Variants in TBL1X observed in about 807,000 individuals in gnomAD.
TBL1X encodes transducin beta like 1 X-linked.
In TBL1X, 10 loss-of-function variants were observed where a neutral mutation model predicts 50.7. The observed-to-expected ratio is 0.20, with a 90% CI of 0.12 to 0.33. The LOEUF (loss-of-function observed/expected upper bound fraction) is 0.33, where lower values mean the gene tolerates loss of function less well. Ranked by LOEUF, TBL1X falls within the 10% of genes least tolerant of loss-of-function variation. The pLI is 1.00. For missense variants in TBL1X, 340 were observed against 504.4 expected, an observed-to-expected ratio of 0.67 and a Z score of 3.12; for synonymous variants, 190 against 214.7, an observed-to-expected ratio of 0.88 and a Z score of 1.01.
chrX:9,675,891 C>CAA (rs1175476577), intron 5 of TBL1X, among the ~76,000 whole-genome samples: 1,137 of 58,219 alleles, frequency 0.02, 29 homozygotes, highest in African/African-American at 0.064. Context: ...AACTCTGTCT[C>CAA]AAAAAAAAAA....
Position 9,688,071 on chromosome X carries a change from G to T in TBL1X, c.412G>T (p.Val138Leu). 2 of 1,211,312 alleles carry T rather than the reference G, an allele frequency of 1.7e-6. No homozygotes were observed. The highest frequency in any genetic ancestry group is 2.2e-6 in the Non-Finnish European group (2 of 895,191). The change falls in exon 7 of 18, where the codon GTG (valine) becomes TTG (leucine). Residue 138 changes from valine (V) to leucine (L), a missense_variant. Val to Leu is a conservative substitution (Grantham distance 32, BLOSUM62 1). Transcript: ENST00000645353. ...AGAGTCCCTGTCACTGATAGACGCC[G>T]TGATGCCCGACGTGGTGCAGACGCG... ...PIESLSLIDA[V>L]MPDVVQTRQQ... is the part of the protein sequence containing the mutation.
intron 2 of TBL1X, among the ~76,000 whole-genome samples, chrX:9,569,441 G>T (rs1369408513): frequency 8.9e-6 from 1 of 111,942 alleles, no homozygotes; most frequent in East Asian, 2.8e-4. Flanking sequence ...TGTGTACCGT[G>T]CTGTGTGTGT....
intron 2 of TBL1X, chrX:9,637,589 T>C (rs1386533463): frequency 8.9e-6 from 1 of 112,075 alleles, no homozygotes; most frequent in East Asian, 2.8e-4. Flanking sequence ...ATGCGTGTTA[T>C]GGATGGTGTG....
At chrX:9,601,264 G>A (rs1421119599) in intron 2 of TBL1X, among the ~76,000 whole-genome samples, 2 of 111,096 alleles carry the variant, frequency 1.8e-5, no homozygotes, top group East Asian at 5.7e-4. Context: ...CATTCCAGTG[G>A]CCCCATGTGG....
At chrX:9,610,036 G>A (rs969958157) in intron 2 of TBL1X, among the ~76,000 whole-genome samples, 1 of 112,663 alleles carries the variant, frequency 8.9e-6, no homozygotes, top group African/African-American at 3.2e-5. Flanking sequence ...TAGCCTCCTG[G>A]CCTGAGCCAA....
chrX:9,464,917 AG>A (rs1414739737), upstream of TBL1X: 1 of 106,300 alleles, frequency 9.4e-6, no homozygotes, highest in Admixed American at 9.7e-5. Context: ...CTACCCTCGT[AG>A]GGGAGGGGCT....
At chrX:9,690,425 C>T (rs989159718) in intron 7 of TBL1X, among the ~76,000 whole-genome samples, 1 of 111,367 alleles carries the variant, frequency 9.0e-6, no homozygotes, top group African/African-American at 3.3e-5. Context: ...CATGTCTTCA[C>T]GTGCTCGTTC....
chrX:9,691,471 A>T, intron 7 of TBL1X, 108 bp from the exon 8 acceptor site: 32 of 625,286 alleles, frequency 5.1e-5, no homozygotes, highest in Non-Finnish European at 6.6e-5. Flanking sequence ...GAATCATCAG[A>T]GGTAGTATTT....
At chrX:9,594,143 C>T (rs187834395) in intron 2 of TBL1X, among the ~76,000 whole-genome samples, 1 of 112,795 alleles carries the variant, frequency 8.9e-6, no homozygotes, top group Admixed American at 9.3e-5. Context: ...CAAGAAGGTG[C>T]TGTTATTGTG....
intron 6 of TBL1X, 146 bp from the exon 7 acceptor site, chrX:9,687,871 T>C: frequency 9.5e-7 from 1 of 1,051,146 alleles, no homozygotes; most frequent in East Asian, 3.5e-5. Context: ...TCCAGGTCCA[T>C]GCCGCTTCCC....
chrX:9,492,874 T>A (rs1569206087), intron 1 of TBL1X, among the ~76,000 whole-genome samples: 1 of 48,714 alleles, frequency 2.1e-5, no homozygotes, highest in African/African-American at 8.3e-5. Flanking sequence ...TGTGTGTGTG[T>A]GTGTGTGTGT....
chrX:9,480,754 G>GCCC (rs1176584675), intron 1 of TBL1X, among the ~76,000 whole-genome samples: 4 of 49,904 alleles, frequency 8.0e-5, no homozygotes, highest in African/African-American at 9.8e-5. Flanking sequence ...TCTAAATTAA[G>GCCC]CCACCCCCCC....
intron 1 of TBL1X, among the ~76,000 whole-genome samples, chrX:9,487,249 G>T (rs989073236): frequency 9.0e-6 from 1 of 111,178 alleles, no homozygotes; most frequent in African/African-American, 3.3e-5. Flanking sequence ...TCTAATTTTT[G>T]AACATTTTCA....
intron 2 of TBL1X, among the ~76,000 whole-genome samples, chrX:9,622,993 C>T (rs1017388624): frequency 4.5e-5 from 5 of 111,730 alleles, no homozygotes; most frequent in Non-Finnish European, 9.4e-5. Flanking sequence ...TTTGCATATA[C>T]CTAGAAGTGG....
At chrX:9,707,416 C>A (rs1217876549) in intron 13 of TBL1X, among the ~76,000 whole-genome samples, 2 of 112,613 alleles carry the variant, frequency 1.8e-5, no homozygotes, top group Non-Finnish European at 3.8e-5. Context: ...TCTGCAGTTC[C>A]CAGGTGTCCT....
intron 1 of TBL1X, among the ~76,000 whole-genome samples, chrX:9,468,033 C>T (rs1046463601): frequency 3.6e-5 from 4 of 112,346 alleles, no homozygotes; most frequent in African/African-American, 1.3e-4. Context: ...GAGAATCCAC[C>T]GCATGCCTGA....
intron 2 of TBL1X, among the ~76,000 whole-genome samples, chrX:9,565,741 G>A (rs2082348181): frequency 9.0e-6 from 1 of 111,552 alleles, no homozygotes; most frequent in Non-Finnish European, 1.9e-5. Flanking sequence ...TGAGACAGGA[G>A]GATCACTTGA....
At chrX:9,607,648 C>T (rs1791217922) in intron 2 of TBL1X, among the ~76,000 whole-genome samples, 1 of 112,891 alleles carries the variant, frequency 8.9e-6, no homozygotes, top group South Asian at 3.6e-4. Context: ...TGCTTTAATT[C>T]TTCCCTGGAG....
chrX:9,664,517 A>G (rs2082916003), intron 5 of TBL1X, among the ~76,000 whole-genome samples: 1 of 110,869 alleles, frequency 9.0e-6, no homozygotes, highest in African/African-American at 3.3e-5. Flanking sequence ...CATTGCTTGA[A>G]TGTTTGCAGA....
Sources: gnomAD v4.1 joint callset for allele counts (sites outside exome capture counted in the v4.1 genomes callset) on GRCh38, gnomAD v4.1.1 for gene constraint, MANE v1.5 for transcripts, NCBI Gene and HGNC (gene_info 2026-07-23, HGNC 2026-07-21) for gene names.